Variants in CCDC73 observed in about 807,000 individuals in gnomAD.
The protein encoded by CCDC73 is coiled-coil domain containing 73, also known as coiled-coil domain-containing protein 73.
Under a neutral mutation model 116.5 loss-of-function variants are expected in CCDC73, and 95 were observed. The observed-to-expected ratio is 0.82, with a 90% confidence interval of 0.69 to 0.97. The LOEUF (loss-of-function observed/expected upper bound fraction) is 0.97. Ranked by LOEUF, CCDC73 falls within the 50% of genes least tolerant of loss-of-function variation. The pLI is 0.00. For synonymous variants in CCDC73, 398 were observed against 401.3 expected, an observed-to-expected ratio of 0.99 and a Z score of 0.10; for missense variants, 1,066 against 1,206.8, an observed-to-expected ratio of 0.88 and a Z score of 1.73.
At position 32,653,347 on chromosome 11, in the gene CCDC73, C is replaced by T. The variant is rs1050507945; in HGVS notation, c.835-120G>A. The T allele has an allele frequency of 2.1e-5, 12 of 561,498 alleles. No homozygotes were observed. In the African/African-American group the frequency reaches 2.3e-4, roughly 11 times the overall value. The allele number at this position is 561,498 out of a possible 1,614,324, so 34.8% of individuals were successfully genotyped here. On this transcript the variant is annotated intron_variant, in intron 11 of 17. Transcript: ENST00000335185. ...CTGTATTTATAGTTTAATTTCAATA[C>T]TTTATATTAAACTAATGGCACATCT...
intron 6 of CCDC73, among the ~76,000 whole-genome samples, chr11:32,691,649 T>C (rs1467114499): frequency 6.6e-6 from 1 of 152,142 alleles, no homozygotes; most frequent in Non-Finnish European, 1.5e-5. Context: ...TCCTACTCTG[T>C]GGCTTGTCTT....
At chr11:32,771,247 A>C (rs1464336778) in intron 1 of CCDC73, among the ~76,000 whole-genome samples, 1 of 152,204 alleles carries the variant, frequency 6.6e-6, no homozygotes, top group Non-Finnish European at 1.5e-5. Flanking sequence ...GGTAGAAAAC[A>C]AGACTAAAAC....
intron 13 of CCDC73, among the ~76,000 whole-genome samples, chr11:32,640,148 A>G (rs773884058): frequency 2.0e-4 from 30 of 152,204 alleles, no homozygotes; most frequent in Non-Finnish European, 3.7e-4. Flanking sequence ...CCCACTGAAG[A>G]AAACTCTTAT....
intron 2 of CCDC73, among the ~76,000 whole-genome samples, chr11:32,723,476 G>C (rs935522819): frequency 1.3e-5 from 2 of 152,152 alleles, no homozygotes; most frequent in Non-Finnish European, 2.9e-5. Context: ...ACTGAGTTGA[G>C]CAATTTCGTA....
At chr11:32,639,778 C>G (rs1855716278) in intron 13 of CCDC73, among the ~76,000 whole-genome samples, 3 of 152,060 alleles carry the variant, frequency 2.0e-5, no homozygotes, top group Non-Finnish European at 2.9e-5. Flanking sequence ...ACCTCCCTTT[C>G]CCTAATTTCT....
intron 6 of CCDC73, among the ~76,000 whole-genome samples, chr11:32,685,621 G>A (rs553820235): frequency 3.3e-4 from 50 of 151,966 alleles, no homozygotes; most frequent in Admixed American, 2.8e-3. Context: ...AATCATTGTA[G>A]ACCTCGTTAT....
At chr11:32,747,371 T>C (rs1850249384) in intron 2 of CCDC73, among the ~76,000 whole-genome samples, 1 of 152,086 alleles carries the variant, frequency 6.6e-6, no homozygotes, top group African/African-American at 2.4e-5. Context: ...GATCTCCCAG[T>C]CAGGCTAAAG....
At chr11:32,775,981 T>G (rs551936714) in intron 1 of CCDC73, among the ~76,000 whole-genome samples, 1 of 152,214 alleles carries the variant, frequency 6.6e-6, no homozygotes, top group African/African-American at 2.4e-5. Flanking sequence ...AGTAGTATCA[T>G]GTATTCTATT....
chr11:32,776,064 T>C (rs1176061951), intron 1 of CCDC73, among the ~76,000 whole-genome samples: 1 of 152,128 alleles, frequency 6.6e-6, no homozygotes, highest in African/African-American at 2.4e-5. Flanking sequence ...CCACCTCTTG[T>C]TCACTTTCTC....
chr11:32,735,279 T>C (rs1166439809), intron 2 of CCDC73, among the ~76,000 whole-genome samples: 1 of 152,164 alleles, frequency 6.6e-6, no homozygotes, highest in Non-Finnish European at 1.5e-5. Flanking sequence ...CCCCATCATC[T>C]CAGCCCAAAA....
intron 17 of CCDC73, among the ~76,000 whole-genome samples, chr11:32,607,133 C>T (rs1174022187): frequency 7.9e-6 from 1 of 126,728 alleles, no homozygotes. Context: ...CGCTCTGTCG[C>T]CCAGGCTGGA....
In CCDC73 at chr11:32,613,510, T is replaced by C; in HGVS notation, c.2808A>G (p.Pro936=). The change falls in exon 16 of 18, where the codon CCA becomes CCG. Residue 936 remains proline, a synonymous_variant. Transcript: ENST00000335185. ...PCISLLLKER[P]LDPSENKKII... ...TCTTTTTGTTTTCTGATGGATCTAGTGGTCTCTCCTTCAGCAACAAAGAAA... is the reference window on the plus strand; with the variant it reads ...TCTTTTTGTTTTCTGATGGATCTAGCGGTCTCTCCTTCAGCAACAAAGAAA... The C allele has an allele frequency of 6.2e-7, 1 of 1,614,130 alleles. No individual in the cohort carries two copies. Among genetic ancestry groups the C allele is most frequent in the South Asian group, 1.1e-5 (1 of 91,082 alleles).
the CCDC73 span, chr11:32,830,217 T>G: frequency 1.9e-6 from 2 of 1,075,536 alleles, no homozygotes; most frequent in African/African-American, 1.6e-5. Context: ...GGGGGTTACC[T>G]GGAAGGGGCC....
At chr11:32,806,169 T>C in the CCDC73 span, among the ~76,000 whole-genome samples, 1 of 152,372 alleles carries the variant, frequency 6.6e-6, no homozygotes. Flanking sequence ...TAATCTTTGC[T>C]GTAAGCAGAA....
chr11:32,603,452 G>A (rs1855304063), intron 17 of CCDC73: 1 of 153,354 alleles, frequency 6.5e-6, no homozygotes, highest in Non-Finnish European at 1.5e-5. Flanking sequence ...ATAGAGTAAA[G>A]TAGAAAGAAA....
intron 2 of CCDC73, among the ~76,000 whole-genome samples, chr11:32,721,174 G>A (rs1458528164): frequency 6.6e-6 from 1 of 152,078 alleles, no homozygotes; most frequent in Non-Finnish European, 1.5e-5. Flanking sequence ...ACAGGTACAT[G>A]CCACCATGCC....
chr11:32,688,541 T>C (rs956389167), intron 6 of CCDC73, among the ~76,000 whole-genome samples: 2 of 152,190 alleles, frequency 1.3e-5, no homozygotes, highest in Non-Finnish European at 2.9e-5. Context: ...GTCCTGAACA[T>C]TCCAGTTATG....
At chr11:32,830,166 G>T in the CCDC73 span, 17 of 1,028,180 alleles carry the variant, frequency 1.7e-5, no homozygotes, top group Non-Finnish European at 2.0e-5. Flanking sequence ...ATGTGCGGGG[G>T]GACACAGGTA....
intron 7 of CCDC73, chr11:32,683,333 G>A: frequency 5.4e-6 from 3 of 556,344 alleles, no homozygotes; most frequent in South Asian, 1.9e-5. Context: ...TAAGTACTAT[G>A]TAATCTCGAA....
Sources: allele counts gnomAD v4.1 joint callset (sites outside exome capture counted in the v4.1 genomes callset), GRCh38; gene constraint gnomAD v4.1.1; transcripts MANE v1.5; gene names NCBI Gene and HGNC (gene_info 2026-07-23, HGNC 2026-07-21).